Variants in OSBPL2 observed in about 807,000 individuals in gnomAD.
OSBPL2 encodes oxysterol binding protein like 2, also known as oxysterol-binding protein-related protein 2.
OSBPL2 carries 18 observed loss-of-function variants against 58.4 expected under a neutral mutation model. The observed-to-expected ratio is 0.31, with a 90% CI of 0.21 to 0.46. OSBPL2 has a LOEUF of 0.46. OSBPL2 is among the 20% of genes least tolerant of loss of function. The probability of loss-of-function intolerance (pLI) is 1.00; values close to 1 mark genes in which losing one functional copy is unlikely to be tolerated. For synonymous variants in OSBPL2, 221 were observed against 234.1 expected (o/e 0.94, Z 0.51); for missense variants, 461 against 616.5 (o/e 0.75, Z 2.67).
chr20:62,277,306 T>C (rs906883757), intron 6 of OSBPL2, among the ~76,000 whole-genome samples: 18 of 152,184 alleles, frequency 1.2e-4, no homozygotes, highest in African/African-American at 4.3e-4. Context: ...TTCTAGATGA[T>C]AGAGAAGAAG....
chr20:62,258,081 C>T (rs1033813877), intron 2 of OSBPL2, among the ~76,000 whole-genome samples: 2 of 152,158 alleles, frequency 1.3e-5, no homozygotes, highest in Admixed American at 6.6e-5. Flanking sequence ...TGATGTGGTA[C>T]TCAGATGGAC....
intron 9 of OSBPL2, among the ~76,000 whole-genome samples, chr20:62,282,967 T>C (rs952572000): frequency 6.6e-6 from 1 of 152,198 alleles, no homozygotes; most frequent in Non-Finnish European, 1.5e-5. Flanking sequence ...AGGATCAACA[T>C]GTGGACCTAG....
chr20:62,281,671 C>T lies in OSBPL2; in HGVS notation c.783-119C>T, dbSNP rs541037582. 13 of 692,506 alleles carry T rather than the reference C, an allele frequency of 1.9e-5. No homozygotes were observed. In the African/African-American group the frequency reaches 2.3e-4, roughly 12 times the overall value. The allele number at this position is 692,506 out of a possible 1,614,324, so 42.9% of individuals were successfully genotyped here. A position where few individuals can be genotyped will look rare whatever the true frequency, so the allele number is the denominator to read the frequency against. On this transcript the variant is annotated intron_variant, in intron 8 of 13. Coordinates refer to ENST00000313733, the MANE Select transcript of OSBPL2 (RefSeq NM_144498.4). The stretch of plus-strand genomic sequence containing the variant: ...CATCGCCCCAAAGGCCCACCACACC[C>T]ATTTGCAGTCACCCCCCGCCTGCCC...
At position 62,288,491 on chromosome 20, in the gene OSBPL2, T is replaced by TGGGAGGCTGTGGGTGCAGAGGC; in HGVS notation, c.1126-715_1126-694dup. Among the ~76,000 whole-genome samples the TGGGAGGCTGTGGGTGCAGAGGC allele has an allele frequency of 8.2e-6, 1 of 121,892 alleles. No homozygotes were observed. The highest frequency in any genetic ancestry group is 2.4e-4 in the East Asian group (1 of 4,160). 80.0% of individuals were successfully genotyped at this position (121,892 alleles called of 152,430 possible). On this transcript the variant is annotated intron_variant, in intron 11 of 13. Transcript: ENST00000313733. The surrounding 1 kb of genome is among the most constrained non-coding windows in gnomAD (Gnocchi z 4.8). The stretch of plus-strand genomic sequence containing the variant: ...GGCCGGAGGCTGTGGGTGCAGAGGC[T>TGGGAGGCTGTGGGTGCAGAGGC]GGGAGGCTGTGGGTGCAGAGGCCGG...
intron 1 of OSBPL2, among the ~76,000 whole-genome samples, chr20:62,245,738 G>A (rs1980061660): frequency 6.6e-6 from 1 of 152,220 alleles, no homozygotes; most frequent in Non-Finnish European, 1.5e-5. Flanking sequence ...ACTCGTGACG[G>A]GCTGCAGATG....
chr20:62,266,844 G>A (rs928607295), intron 4 of OSBPL2, among the ~76,000 whole-genome samples: 1 of 152,204 alleles, frequency 6.6e-6, no homozygotes, highest in Non-Finnish European at 1.5e-5. Flanking sequence ...CTCAATCTAT[G>A]TTCAAATGTC....
At chr20:62,249,617 C>G (rs1980386619) in intron 1 of OSBPL2, among the ~76,000 whole-genome samples, 1 of 152,188 alleles carries the variant, frequency 6.6e-6, no homozygotes, top group Admixed American at 6.5e-5. Context: ...CTCTGTCGCC[C>G]AGGCTGGAGT....
chr20:62,272,376 G>A (rs1982120761), intron 5 of OSBPL2, 117 bp downstream of exon 5: 2 of 1,119,486 alleles, frequency 1.8e-6, no homozygotes, highest in Admixed American at 4.4e-5. Flanking sequence ...TCCCCCCAGT[G>A]TTCAGTGCCA....
Position 62,293,803 on chromosome 20 carries a change from T to G in OSBPL2, c.1359T>G (p.Asn453Lys). 6.2e-7 allele frequency: 1 copy of G among 1,613,818 alleles called. No homozygotes were observed. The highest frequency in any genetic ancestry group is 1.1e-5 in the South Asian group (1 of 91,052). The change falls in exon 14 of 14, where the codon AAT becomes AAG. Residue 453 changes from asparagine to lysine, a missense_variant. Around this residue, in one of 5 missense-constraint regions of OSBPL2, gnomAD observed 319 missense variants for 419.2 expected, o/e 0.76. Coordinates refer to ENST00000313733, the MANE Select transcript of OSBPL2 (RefSeq NM_144498.4). ...EWQTRWFYPG[N>K]NPYTGTPDWL... ...CCGGCAGGTGGTTCTACCCAGGCAA[T>G]AACCCCTACACTGGGACCCCCGACT...
rs746097246 is a variant in OSBPL2 at position 62,284,041 on chromosome 20, T to A, written c.873-5T>A. 3 of 1,609,540 alleles carry A rather than the reference T, an allele frequency of 1.9e-6. No individual in the cohort carries two copies. Among genetic ancestry groups the A allele is most frequent in the South Asian group, 2.2e-5 (2 of 90,966 alleles). On this transcript the variant is annotated splice_region_variant and splice_polypyrimidine_tract_variant and intron_variant, in intron 9 of 13. Coordinates refer to ENST00000313733, the MANE Select transcript of OSBPL2 (RefSeq NM_144498.4). ...CTTGTCTTTAAAAATCCCATTTAAT[T>A]ACAGCAAAAAGAAGCTCTTTATGAT... is the stretch of plus-strand genomic sequence containing the variant.
chr20:62,282,932 G>C (rs1982882508), intron 9 of OSBPL2, among the ~76,000 whole-genome samples: 1 of 152,172 alleles, frequency 6.6e-6, no homozygotes, highest in Non-Finnish European at 1.5e-5. Context: ...GCTTATGACT[G>C]ACCATTTCTC....
At chr20:62,287,337 C>T (rs1368308447) in intron 11 of OSBPL2, among the ~76,000 whole-genome samples, 1 of 152,090 alleles carries the variant, frequency 6.6e-6, no homozygotes, top group Non-Finnish European at 1.5e-5. Flanking sequence ...TTTTGTACGT[C>T]CCATAAACAG....
intron 12 of OSBPL2, among the ~76,000 whole-genome samples, chr20:62,290,015 G>T (rs1395912728): frequency 2.0e-5 from 3 of 152,220 alleles, no homozygotes; most frequent in Non-Finnish European, 4.4e-5. Flanking sequence ...AACTGCACGT[G>T]TTCCACTGTG....
chr20:62,275,026 G>A (rs1426707318), intron 6 of OSBPL2, among the ~76,000 whole-genome samples: 2 of 152,182 alleles, frequency 1.3e-5, no homozygotes, highest in Non-Finnish European at 2.9e-5. Flanking sequence ...ATTGAGAAAG[G>A]TAGAAAAGAT....
At chr20:62,281,009 G>A in intron 7 of OSBPL2, 49 bp from the exon 8 acceptor site, 1 of 1,462,010 alleles carries the variant, frequency 6.8e-7, no homozygotes, top group South Asian at 1.1e-5. Flanking sequence ...GTCACGTCGT[G>A]TCTTGGCTTT....
chr20:62,267,753 C>G (rs1259738339), intron 4 of OSBPL2, among the ~76,000 whole-genome samples: 1 of 152,220 alleles, frequency 6.6e-6, no homozygotes, highest in Non-Finnish European at 1.5e-5. Flanking sequence ...GACTCACTCA[C>G]TTTGCCCCAC....
chr20:62,279,944 G>A (rs1982675188), intron 7 of OSBPL2: 4 of 1,303,118 alleles, frequency 3.1e-6, no homozygotes, highest in African/African-American at 3.0e-5. Flanking sequence ...CAGCGTGGGA[G>A]GGGACCCTCT....
At chr20:62,284,766 A>G (rs886828123) in intron 10 of OSBPL2, 5 of 152,270 alleles carry the variant, frequency 3.3e-5, no homozygotes, top group East Asian at 1.9e-4. Flanking sequence ...GCTGGCCCCC[A>G]TGGCTGGAAG....
intron 6 of OSBPL2, among the ~76,000 whole-genome samples, chr20:62,274,834 A>C (rs1375649587): frequency 1.3e-5 from 2 of 152,224 alleles, no homozygotes; most frequent in African/African-American, 4.8e-5. Context: ...TGCAGACGGG[A>C]GGGAAGGCGG....
Sources: allele counts gnomAD v4.1 joint callset (sites outside exome capture counted in the v4.1 genomes callset), GRCh38; gene constraint gnomAD v4.1.1; regional missense constraint gnomAD v4.1.1; non-coding constraint Gnocchi (gnomAD v3.1); transcripts MANE v1.5; gene names NCBI Gene and HGNC (gene_info 2026-07-23, HGNC 2026-07-21).